P2RY8: variants seen among roughly 807,000 people sequenced by gnomAD.
The protein encoded by P2RY8 is P2Y receptor family member 8, also known as S-geranylgeranyl-glutathione receptor P2RY8.
Under a neutral mutation model 10.0 loss-of-function variants are expected in P2RY8, and 6 were observed. The ratio of observed to expected loss-of-function variants is 0.60; its 90% CI spans 0.33 to 1.19. The LOEUF (loss-of-function observed/expected upper bound fraction) is 1.19, where lower values mean the gene tolerates loss of function less well. Among genes scored for constraint, P2RY8 ranks in the 50% most tolerant of loss-of-function variants. The probability of loss-of-function intolerance (pLI) is 0.04; values close to 1 mark genes in which losing one functional copy is unlikely to be tolerated. For synonymous variants in P2RY8, 276 were observed against 252.5 expected, an observed-to-expected ratio of 1.09 and a Z score of -0.88; for missense variants, 456 against 542.0, an observed-to-expected ratio of 0.84 and a Z score of 1.58.
At chrX:1,510,726 A>C (rs2092292747) in intron 1 of P2RY8, among the ~76,000 whole-genome samples, 2 of 152,058 alleles carry the variant, frequency 1.3e-5, no homozygotes, top group African/African-American at 4.8e-5. Flanking sequence ...AAAAACACAA[A>C]AATTAAGCCA....
At chrX:1,530,586 A>C (rs1269668519) in intron 1 of P2RY8, among the ~76,000 whole-genome samples, 1 of 149,730 alleles carries the variant, frequency 6.7e-6, no homozygotes, top group African/African-American at 2.4e-5. Flanking sequence ...CTATCTCTCT[A>C]TCATCACCAT....
rs1467375001 is a variant in P2RY8 at position 1,465,854 on chromosome X, C to A, written c.705G>T (p.Ala235=). The A allele has an allele frequency of 6.2e-7, 1 of 1,612,426 alleles. No homozygotes were observed. The highest frequency in any genetic ancestry group is 1.3e-5 in the African/African-American group (1 of 74,922). ...GCAAGACCACCGCGGCCAGGCCCAC[C>A]GCGCGCCTCCGCTGCTCCCGGCCGT... ...EAHGREQRRR[A]VGLAAVVLLA... The change falls in exon 2 of 2, where the codon GCG becomes GCT. Residue 235 remains alanine (A), a synonymous_variant. Coordinates refer to ENST00000381297, the MANE Select transcript of P2RY8 (RefSeq NM_178129.5).
chrX:1,528,027 C>A (rs1281163345), intron 1 of P2RY8, among the ~76,000 whole-genome samples: 1 of 152,186 alleles, frequency 6.6e-6, no homozygotes, highest in Admixed American at 6.5e-5. Flanking sequence ...CTGTCCCTGT[C>A]CTGAGTGCAG....
intron 1 of P2RY8, among the ~76,000 whole-genome samples, chrX:1,525,256 C>T (rs1277142973): frequency 1.3e-5 from 2 of 152,188 alleles, no homozygotes; most frequent in African/African-American, 4.8e-5. Context: ...ACATAGGTAC[C>T]TGTGAATATA....
intron 1 of P2RY8, among the ~76,000 whole-genome samples, chrX:1,472,548 T>C (rs1467830764): frequency 8.6e-6 from 1 of 116,388 alleles, no homozygotes; most frequent in African/African-American, 3.5e-5. Flanking sequence ...GAATGGTAGG[T>C]GGGTTTGTGA....
chrX:1,462,851 G>A lies in P2RY8; in HGVS notation c.*2628C>T, dbSNP rs1384481595. ...CATGTGTGTGAGTCAATAGACCTGT[G>A]TTATCTTTTCACTCAAAGCTCAACC... is the stretch of plus-strand genomic sequence containing the variant. On this transcript the variant is annotated 3_prime_UTR_variant, in exon 2 of 2. Transcript: ENST00000381297. 4.3e-6 allele frequency: 1 copy of A among 232,106 alleles called. No individual in the cohort carries two copies. Among genetic ancestry groups the A allele is most frequent in the African/African-American group, 2.2e-5 (1 of 45,188 alleles). The allele number at this position is 232,106 out of a possible 1,614,324, so 14.4% of individuals were successfully genotyped here.
chrX:1,486,895 C>A (rs181560545), intron 1 of P2RY8, among the ~76,000 whole-genome samples: 19 of 152,346 alleles, frequency 1.2e-4, no homozygotes, highest in Admixed American at 7.2e-4. Context: ...TTGCTTGGGT[C>A]TTCCTGTCCC....
intron 1 of P2RY8, among the ~76,000 whole-genome samples, chrX:1,467,280 T>C (rs2091699666): frequency 6.6e-6 from 1 of 152,168 alleles, no homozygotes; most frequent in South Asian, 2.1e-4. Context: ...CTCCCTGCTC[T>C]TTCTTCCTCC....
chrX:1,516,162 A>C (rs1224127067), intron 1 of P2RY8, among the ~76,000 whole-genome samples: 2 of 150,994 alleles, frequency 1.3e-5, no homozygotes, highest in East Asian at 2.0e-4. Flanking sequence ...GCACCACTGC[A>C]CTCCAGCCTG....
chrX:1,507,475 G>A (rs1401472618), intron 1 of P2RY8, among the ~76,000 whole-genome samples: 1 of 152,134 alleles, frequency 6.6e-6, no homozygotes, highest in Non-Finnish European at 1.5e-5. Flanking sequence ...AATCATCACT[G>A]AGCCAGAAAA....
At chrX:1,488,579 C>T (rs1404328525) in intron 1 of P2RY8, among the ~76,000 whole-genome samples, 1 of 152,162 alleles carries the variant, frequency 6.6e-6, no homozygotes, top group South Asian at 2.1e-4. Context: ...CTGCCAGAGC[C>T]TCTTGGAAGT....
chrX:1,500,662 G>A (rs745771025), intron 1 of P2RY8, among the ~76,000 whole-genome samples: 28 of 152,120 alleles, frequency 1.8e-4, no homozygotes, highest in African/African-American at 5.8e-4. Flanking sequence ...TGGCCAGGCT[G>A]GTCTCGAACT....
At chrX:1,467,179 C>G (rs1414764415) in intron 1 of P2RY8, among the ~76,000 whole-genome samples, 8 of 152,138 alleles carry the variant, frequency 5.3e-5, no homozygotes, top group Non-Finnish European at 8.8e-5. Flanking sequence ...AAGTGTCTAT[C>G]AGCAGAAAAC....
chrX:1,496,798 A>C (rs1258529865), intron 1 of P2RY8, among the ~76,000 whole-genome samples: 1 of 74,582 alleles, frequency 1.3e-5, no homozygotes, highest in Non-Finnish European at 2.4e-5. Context: ...CCCTGGTTCA[A>C]GCAATTCTCC....
chrX:1,533,025 A>G (rs1401537312), intron 1 of P2RY8, among the ~76,000 whole-genome samples: 3 of 124,168 alleles, frequency 2.4e-5, no homozygotes, highest in Non-Finnish European at 5.2e-5. Context: ...AAAAAAAAAA[A>G]CGAAAGAAAG....
chrX:1,513,164 C>T (rs1161798922), intron 1 of P2RY8, among the ~76,000 whole-genome samples: 41 of 151,820 alleles, frequency 2.7e-4, no homozygotes, highest in African/African-American at 9.7e-4. Context: ...GAGTGACTTT[C>T]TGGCTTTATC....
chrX:1,526,903 T>C (rs1259957457), intron 1 of P2RY8, among the ~76,000 whole-genome samples: 1 of 152,194 alleles, frequency 6.6e-6, no homozygotes, highest in Admixed American at 6.5e-5. Flanking sequence ...TTCTTTTCTT[T>C]TCTTTTTGAG....
chrX:1,471,902 C>T (rs770349117), intron 1 of P2RY8, among the ~76,000 whole-genome samples: 72 of 152,186 alleles, frequency 4.7e-4, no homozygotes, highest in African/African-American at 1.7e-3. Context: ...AGTGAGAGGC[C>T]CCAGCCCTAA....
At chrX:1,472,187 G>A (rs1376847675) in intron 1 of P2RY8, among the ~76,000 whole-genome samples, 19 of 151,984 alleles carry the variant, frequency 1.3e-4, no homozygotes, top group African/African-American at 4.6e-4. Context: ...TAGAAATAGG[G>A]TCTGCGTCTA....
Sources: gnomAD v4.1 joint callset for allele counts (sites outside exome capture counted in the v4.1 genomes callset) on GRCh38, gnomAD v4.1.1 for gene constraint, MANE v1.5 for transcripts, NCBI Gene and HGNC (gene_info 2026-07-23, HGNC 2026-07-21) for gene names.